The following BMP6 variants were observed in gnomAD, a reference collection of about 807,000 sequenced individuals.
The protein encoded by BMP6 is VG-1-R.
In BMP6, 17 loss-of-function variants were observed where a neutral mutation model predicts 54.1. The observed-to-expected ratio is 0.31, with a 90% confidence interval of 0.22 to 0.47. The LOEUF (loss-of-function observed/expected upper bound fraction) is 0.47, where lower values mean the gene tolerates loss of function less well. Among genes scored for constraint, BMP6 ranks in the 20% least tolerant of loss-of-function variants. The pLI is 1.00. For synonymous variants in BMP6, 328 were observed against 291.2 expected, an observed-to-expected ratio of 1.13 and a Z score of -1.28; for missense variants, 720 against 690.4, an observed-to-expected ratio of 1.04 and a Z score of -0.48.
At chr6:7,780,292 A>G (rs1385333224) in intron 1 of BMP6, among the ~76,000 whole-genome samples, 4 of 152,154 alleles carry the variant, frequency 2.6e-5, no homozygotes, top group Non-Finnish European at 2.9e-5. Flanking sequence ...TCATGCATGT[A>G]ATCCCAGAAC....
At chr6:7,777,451 C>T (rs560574101) in intron 1 of BMP6, among the ~76,000 whole-genome samples, 3 of 152,244 alleles carry the variant, frequency 2.0e-5, no homozygotes, top group African/African-American at 7.2e-5. Context: ...CTCAGAGTAC[C>T]TCTGTGTCAG....
chr6:7,861,386 A>G (rs1244179544), intron 2 of BMP6, 65 bp from the exon 3 acceptor site: 1 of 1,580,302 alleles, frequency 6.3e-7, no homozygotes, highest in Non-Finnish European at 8.6e-7. Flanking sequence ...ACGCTGAGAC[A>G]GGAAAGAGTG....
chr6:7,846,501 G>A (rs1164233042), intron 2 of BMP6, among the ~76,000 whole-genome samples: 2 of 152,188 alleles, frequency 1.3e-5, no homozygotes, highest in Admixed American at 6.5e-5. Flanking sequence ...GCATATTTAG[G>A]TCTGTAATGG....
intron 1 of BMP6, among the ~76,000 whole-genome samples, chr6:7,812,830 A>G (rs8180596): frequency 0.37 from 55,635 of 150,984 alleles, 11,307 homozygotes; most frequent in East Asian, 0.73. Context: ...TGGTGACCTC[A>G]CCCACATGAT....
chr6:7,738,231 C>T (rs1761991830), intron 1 of BMP6, among the ~76,000 whole-genome samples: 1 of 152,210 alleles, frequency 6.6e-6, no homozygotes, highest in African/African-American at 2.4e-5. Context: ...AGAGTTTGAA[C>T]TGACTTTTAC....
intron 1 of BMP6, among the ~76,000 whole-genome samples, chr6:7,772,553 T>C (rs1032048349): frequency 6.6e-6 from 1 of 152,160 alleles, no homozygotes; most frequent in African/African-American, 2.4e-5. Flanking sequence ...GAATGACAAC[T>C]GCCAATGGGA....
At chr6:7,876,483 CTT>C (rs1202480099) in intron 4 of BMP6, among the ~76,000 whole-genome samples, 1 of 152,198 alleles carries the variant, frequency 6.6e-6, no homozygotes, top group Admixed American at 6.5e-5. Context: ...ATTTGTTGGA[CTT>C]TTCATTCTCT....
chr6:7,792,356 C>T (rs1435552069), intron 1 of BMP6, among the ~76,000 whole-genome samples: 1 of 152,120 alleles, frequency 6.6e-6, no homozygotes, highest in Non-Finnish European at 1.5e-5. Flanking sequence ...GGGACCGTAC[C>T]CTTGCTCAGT....
intron 2 of BMP6, among the ~76,000 whole-genome samples, chr6:7,853,508 G>T (rs1363454623): frequency 6.6e-6 from 1 of 152,140 alleles, no homozygotes; most frequent in Non-Finnish European, 1.5e-5. Flanking sequence ...CTGAAATGAA[G>T]ACAAAAGTTC....
At chr6:7,761,542 G>T (rs1457732867) in intron 1 of BMP6, among the ~76,000 whole-genome samples, 1 of 152,248 alleles carries the variant, frequency 6.6e-6, no homozygotes, top group Admixed American at 6.5e-5. Flanking sequence ...CAGCCCTGGA[G>T]CCAACAGGGG....
chr6:7,765,962 T>C (rs1757680300), intron 1 of BMP6, among the ~76,000 whole-genome samples: 1 of 152,186 alleles, frequency 6.6e-6, no homozygotes, highest in African/African-American at 2.4e-5. Flanking sequence ...TGCATTCCCT[T>C]TGTGGGCCCA....
At chr6:7,832,308 G>A (rs1320929611) in intron 1 of BMP6, among the ~76,000 whole-genome samples, 3 of 152,194 alleles carry the variant, frequency 2.0e-5, no homozygotes, top group African/African-American at 7.2e-5. Context: ...ATGGTATTAG[G>A]AGGTGGGGCC....
At chr6:7,771,019 G>A (rs758140954) in intron 1 of BMP6, among the ~76,000 whole-genome samples, 4 of 152,156 alleles carry the variant, frequency 2.6e-5, no homozygotes, top group Non-Finnish European at 4.4e-5. Flanking sequence ...TCCTTGGCTC[G>A]TTGGAAATTC....
At chr6:7,847,138 G>T (rs771247585) in intron 2 of BMP6, among the ~76,000 whole-genome samples, 1 of 152,196 alleles carries the variant, frequency 6.6e-6, no homozygotes, top group Non-Finnish European at 1.5e-5. Context: ...ACTTCCTCGA[G>T]GCCAGCAGTG....
intron 2 of BMP6, among the ~76,000 whole-genome samples, chr6:7,858,474 G>C (rs909970370): frequency 2.0e-5 from 3 of 152,046 alleles, no homozygotes; most frequent in African/African-American, 7.2e-5. Flanking sequence ...GTATGTGGTA[G>C]ACTTTGGTCC....
intron 1 of BMP6, among the ~76,000 whole-genome samples, chr6:7,788,706 G>A (rs1022327549): frequency 2.0e-5 from 3 of 152,132 alleles, no homozygotes; most frequent in Non-Finnish European, 4.4e-5. Flanking sequence ...CAAATCAGAA[G>A]GAGTGACTTT....
chr6:7,751,851 A>C (rs956608039), intron 1 of BMP6, among the ~76,000 whole-genome samples: 1 of 152,218 alleles, frequency 6.6e-6, no homozygotes, highest in Non-Finnish European at 1.5e-5. Context: ...TGGACCTCTG[A>C]GTAATTGATG....
At chr6:7,758,080 T>G (rs1757554099) in intron 1 of BMP6, among the ~76,000 whole-genome samples, 1 of 152,202 alleles carries the variant, frequency 6.6e-6, no homozygotes, top group Non-Finnish European at 1.5e-5. Context: ...AGAAACAGAA[T>G]TATAGTAGAT....
intron 1 of BMP6, among the ~76,000 whole-genome samples, chr6:7,789,721 C>T (rs1758067570): frequency 6.6e-6 from 1 of 152,052 alleles, no homozygotes; most frequent in East Asian, 1.9e-4. Flanking sequence ...GTAATTATTT[C>T]CCAGCTTATG....
Sources: gnomAD v4.1 joint callset for allele counts (sites outside exome capture counted in the v4.1 genomes callset) on GRCh38, gnomAD v4.1.1 for gene constraint, MANE v1.5 for transcripts, NCBI Gene and HGNC (gene_info 2026-07-23, HGNC 2026-07-21) for gene names.